Variants in CRACD observed in about 807,000 individuals in gnomAD.
CRACD encodes the protein capping protein-inhibiting regulator of actin dynamics.
A neutral mutation model predicts 106.8 loss-of-function variants in CRACD; 56 were observed. The ratio of observed to expected loss-of-function variants is 0.52; its 90% CI spans 0.42 to 0.66. CRACD has a LOEUF of 0.66. CRACD is among the 30% of genes least tolerant of loss of function. The probability of loss-of-function intolerance (pLI) is 0.00; values close to 1 mark genes in which losing one functional copy is unlikely to be tolerated. For missense variants in CRACD, 1,730 were observed against 1,623.2 expected (o/e 1.07, Z -1.13); for synonymous variants, 754 against 670.8 (o/e 1.12, Z -1.92).
chr4:56,223,941 T>C (rs1739172876), intron 2 of CRACD, among the ~76,000 whole-genome samples: 1 of 152,124 alleles, frequency 6.6e-6, no homozygotes, highest in Non-Finnish European at 1.5e-5. Flanking sequence ...TAATTTTTTG[T>C]GGAGACAGGG....
Position 56,323,506 on chromosome 4 carries a change from C to T in CRACD, c.3317C>T (p.Thr1106Met), listed in dbSNP as rs770689139. 1.1e-5 allele frequency: 18 copies of T among 1,606,780 alleles called. No individual in the cohort carries two copies. The highest frequency in any genetic ancestry group is 7.8e-5 in the South Asian group (7 of 89,804). The part of the protein sequence containing the change: ...KQKGFREQQA[T>M]REERKQAREA... ...AAGGGGTTTCGGGAGCAGCAGGCGACGCGGGAGGAGAGAAAGCAAGCCAGA... is the reference window on the plus strand; with the variant it reads ...AAGGGGTTTCGGGAGCAGCAGGCGATGCGGGAGGAGAGAAAGCAAGCCAGA... Residue 1106 changes from threonine to methionine, a missense_variant, in exon 9 of 11, where the codon ACG (threonine) becomes ATG (methionine). By Grantham distance (81) the Thr-to-Met change is moderately conservative (BLOSUM62 -1). Coordinates refer to ENST00000682029, the MANE Select transcript of CRACD (RefSeq NM_001393381.1).
At chr4:56,199,290 G>A (rs1737764575) in intron 2 of CRACD, among the ~76,000 whole-genome samples, 1 of 152,178 alleles carries the variant, frequency 6.6e-6, no homozygotes, top group Non-Finnish European at 1.5e-5. Flanking sequence ...CAGGCCACTA[G>A]CTCCAATTTG....
In CRACD at chr4:56,295,485, A is replaced by C. The variant is rs1237278776; in HGVS notation, c.-16-2729A>C. 4.0e-5 allele frequency among the ~76,000 whole-genome samples: 6 copies of C among 151,896 alleles called. 1 individual carries two copies. In the South Asian group the frequency reaches 8.3e-4, roughly 21 times the overall value. On this transcript the variant is annotated intron_variant, in intron 3 of 10. Transcript: ENST00000682029. ...TGGACATCAGATCTTTGCCGGCAAC[A>C]GGAATGTTTGGAGTTCAACACCAAA... is the stretch of plus-strand genomic sequence containing the variant.
intron 2 of CRACD, among the ~76,000 whole-genome samples, chr4:56,233,192 T>C (rs1739748219): frequency 6.6e-6 from 1 of 152,212 alleles, no homozygotes; most frequent in African/African-American, 2.4e-5. Flanking sequence ...GTGTTAGGTA[T>C]AGAATTTATC....
intron 1 of CRACD, among the ~76,000 whole-genome samples, chr4:56,142,200 T>C (rs1416760488): frequency 6.6e-6 from 1 of 152,142 alleles, no homozygotes; most frequent in Non-Finnish European, 1.5e-5. Flanking sequence ...ACATTGATTA[T>C]TTTTTAAACC....
chr4:56,169,870 T>C (rs1379415328), intron 1 of CRACD, among the ~76,000 whole-genome samples: 1 of 152,148 alleles, frequency 6.6e-6, no homozygotes, highest in East Asian at 1.9e-4. Flanking sequence ...TAAGATGTGC[T>C]TGTGAACAGT....
At position 56,141,988 on chromosome 4, in the gene CRACD, C is replaced by G. The variant is rs148928096; in HGVS notation, c.-335-37296C>G. Among the ~76,000 whole-genome samples, 608 of 151,950 alleles carry G rather than the reference C, an allele frequency of 4.0e-3. 2 individuals are homozygous for G. Among genetic ancestry groups the G allele is most frequent in the African/African-American group, 0.014 (582 of 41,460 alleles). On this transcript the variant is annotated intron_variant, in intron 1 of 10. Coordinates refer to ENST00000682029, the MANE Select transcript of CRACD (RefSeq NM_001393381.1). ...GGATTATAGCCATGAGCCACTGCAC[C>G]CAACCGAATTTGCTTTTATTACCTT...
intron 2 of CRACD, among the ~76,000 whole-genome samples, chr4:56,184,196 G>A (rs1035117219): frequency 4.6e-5 from 7 of 151,918 alleles, no homozygotes; most frequent in South Asian, 2.1e-4. Flanking sequence ...TCAGCCTCCC[G>A]AGTAGCTGGG....
intron 1 of CRACD, among the ~76,000 whole-genome samples, chr4:56,173,832 C>T (rs1274824644): frequency 1.3e-5 from 2 of 152,146 alleles, no homozygotes; most frequent in Non-Finnish European, 2.9e-5. Flanking sequence ...TTTTACATTC[C>T]TACCAACAGG....
chr4:56,262,659 A>T (rs1041930842), intron 2 of CRACD, among the ~76,000 whole-genome samples: 14 of 152,236 alleles, frequency 9.2e-5, no homozygotes, highest in Admixed American at 3.9e-4. Flanking sequence ...GTGAGATAAC[A>T]TATACCAATC....
At chr4:56,294,672 G>T (rs1279969965) in intron 3 of CRACD, among the ~76,000 whole-genome samples, 1 of 152,088 alleles carries the variant, frequency 6.6e-6, no homozygotes, top group African/African-American at 2.4e-5. Flanking sequence ...CCAGTACTTT[G>T]GGAGGCCAAG....
At chr4:56,239,731 G>A (rs556121733) in intron 2 of CRACD, among the ~76,000 whole-genome samples, 5 of 152,136 alleles carry the variant, frequency 3.3e-5, no homozygotes, top group Non-Finnish European at 4.4e-5. Context: ...AACAAAGTTA[G>A]CCATCTTCAG....
At chr4:56,162,155 A>G (rs978847707) in intron 1 of CRACD, among the ~76,000 whole-genome samples, 1 of 152,040 alleles carries the variant, frequency 6.6e-6, no homozygotes, top group African/African-American at 2.4e-5. Flanking sequence ...AGAGATGGGT[A>G]GATTTTTATT....
intron 2 of CRACD, chr4:56,196,202 G>A (rs944327976): frequency 2.0e-5 from 3 of 152,434 alleles, no homozygotes; most frequent in Non-Finnish European, 4.4e-5. Flanking sequence ...TGCATATTAT[G>A]TGATGACCAT....
chr4:56,183,653 A>G (rs1736953247), intron 2 of CRACD, among the ~76,000 whole-genome samples: 1 of 152,220 alleles, frequency 6.6e-6, no homozygotes, highest in Non-Finnish European at 1.5e-5. Flanking sequence ...CTGGGAGGTG[A>G]GACAAAGCCA....
chr4:56,328,455 TG>T lies in CRACD; in HGVS notation c.*652del. The stretch of plus-strand genomic sequence containing the variant: ...ACTGTGGATTCATAGTGTGGGGCCC[TG>T]TTATTCCAATACCCTCCTTAAGGAC... On this transcript the variant is annotated 3_prime_UTR_variant, in exon 11 of 11. Transcript: ENST00000682029. 1.9e-6 allele frequency: 1 copy of T among 513,556 alleles called. No homozygotes were observed. Among genetic ancestry groups the T allele is most frequent in the Non-Finnish European group, 3.9e-6 (1 of 257,464 alleles). 31.8% of individuals were successfully genotyped at this position (513,556 alleles called of 1,614,324 possible). A position where few individuals can be genotyped will look rare whatever the true frequency, so the allele number is the denominator to read the frequency against.
intron 2 of CRACD, among the ~76,000 whole-genome samples, chr4:56,219,777 C>T (rs993229857): frequency 3.9e-5 from 6 of 152,136 alleles, no homozygotes; most frequent in African/African-American, 1.4e-4. Context: ...GGTGATTTCT[C>T]AGATACCTTC....
intron 1 of CRACD, among the ~76,000 whole-genome samples, chr4:56,054,533 G>T (rs968382501): frequency 1.3e-5 from 2 of 152,182 alleles, no homozygotes; most frequent in Non-Finnish European, 2.9e-5. Context: ...AATCAATTTA[G>T]ATATTAATTT....
chr4:56,232,349 G>T (rs1002146021), intron 2 of CRACD, among the ~76,000 whole-genome samples: 1 of 151,648 alleles, frequency 6.6e-6, no homozygotes, highest in African/African-American at 2.4e-5. Context: ...CCTTTTTATC[G>T]CCAAGTAGTA....
Sources: gnomAD v4.1 joint callset for allele counts (sites outside exome capture counted in the v4.1 genomes callset) on GRCh38, gnomAD v4.1.1 for gene constraint, MANE v1.5 for transcripts, NCBI Gene and HGNC (gene_info 2026-07-23, HGNC 2026-07-21) for gene names.